The following TMEM42 variants were observed in gnomAD, a reference collection of about 807,000 sequenced individuals.
TMEM42 encodes transmembrane protein 42.
Under a neutral mutation model 14.0 loss-of-function variants are expected in TMEM42, and 8 were observed. The ratio of observed to expected loss-of-function variants is 0.57; its 90% confidence interval spans 0.34 to 1.03. The LOEUF (loss-of-function observed/expected upper bound fraction) is 1.03, where lower values mean the gene tolerates loss of function less well. Among genes scored for constraint, TMEM42 ranks in the 50% least tolerant of loss-of-function variants. The pLI is 0.03. For missense variants in TMEM42, 211 were observed against 219.8 expected, an observed-to-expected ratio of 0.96 and a Z score of 0.25; for synonymous variants, 115 against 94.3, an observed-to-expected ratio of 1.22 and a Z score of -1.27.
At chr3:44,864,421 C>T (rs909885860) in intron 2 of TMEM42, 78 bp downstream of exon 2, 1 of 1,575,784 alleles carries the variant, frequency 6.3e-7, no homozygotes, top group Non-Finnish European at 8.7e-7. Flanking sequence ...CCCCTCCTTT[C>T]CCAGACAGGA....
chr3:44,863,602 T>C (rs1699288007), intron 1 of TMEM42: 1 of 152,612 alleles, frequency 6.6e-6, no homozygotes, highest in African/African-American at 2.4e-5. Context: ...GGTTACTTAA[T>C]GCCCCTGGCT....
Position 44,865,205 on chromosome 3 carries a change from T to G in TMEM42, c.*25T>G, listed in dbSNP as rs529280161. ...GCACCACTTGGCTAGACGGACCAGC[T>G]GGAAAGATCATGATGGTGGCCCAGC... On this transcript the variant is annotated 3_prime_UTR_variant, in exon 3 of 3. Coordinates refer to ENST00000302392, the MANE Select transcript of TMEM42 (RefSeq NM_144638.3). 6.2e-7 allele frequency: 1 copy of G among 1,613,878 alleles called. No homozygotes were observed. Among genetic ancestry groups the G allele is most frequent in the African/African-American group, 1.3e-5 (1 of 75,010 alleles).
rs200008035 is a variant in TMEM42 at position 44,865,053 on chromosome 3, A to G, written c.353A>G (p.Tyr118Cys). The G allele has an allele frequency of 6.8e-6, 11 of 1,614,098 alleles. No individual in the cohort carries two copies. Among genetic ancestry groups the G allele is most frequent in the African/African-American group, 2.7e-5 (2 of 75,028 alleles). ...SNILSSAFLG[Y>C]VLYGECQEVL... ...TTTGTCTCGCAGGCCTTCCTGGGCT[A>G]TGTGCTGTATGGAGAGTGCCAGGAG... Residue 118 changes from tyrosine to cysteine, a missense_variant, in exon 3 of 3, where the codon TAT becomes TGT. By Grantham distance (194) the Tyr-to-Cys change is radical. Coordinates refer to ENST00000302392, the MANE Select transcript of TMEM42 (RefSeq NM_144638.3).
intron 1 of TMEM42, chr3:44,862,439 C>T (rs1172339067): frequency 1.3e-5 from 2 of 152,918 alleles, no homozygotes; most frequent in African/African-American, 2.4e-5. Context: ...AGTTCGCTCT[C>T]GGGGAAGAAC....
At chr3:44,862,685 ACTC>A (rs1314491228) in intron 1 of TMEM42, 1 of 150,878 alleles carries the variant, frequency 6.6e-6, no homozygotes, top group Non-Finnish European at 1.5e-5. Context: ...GACGCTGAGA[ACTC>A]CTAAACTTGC....
Position 44,865,529 on chromosome 3 carries a change from T to C in TMEM42, c.*349T>C. 3.9e-6 allele frequency: 1 copy of C among 256,556 alleles called. No homozygotes were observed. The highest frequency in any genetic ancestry group is 8.9e-5 in the South Asian group (1 of 11,246). The allele number at this position is 256,556 out of a possible 1,614,324, so 15.9% of individuals were successfully genotyped here. The stretch of plus-strand genomic sequence containing the variant: ...CCTGTTGCCAAACAAAAGCCAGTCA[T>C]GTAACTCTAGAAGCAGTGACTGGTG... On this transcript the variant is annotated 3_prime_UTR_variant, in exon 3 of 3. Coordinates refer to ENST00000302392, the MANE Select transcript of TMEM42 (RefSeq NM_144638.3).
At chr3:44,864,805 G>A (rs1220754826) in intron 2 of TMEM42, among the ~76,000 whole-genome samples, 1 of 152,152 alleles carries the variant, frequency 6.6e-6, no homozygotes, top group Non-Finnish European at 1.5e-5. Context: ...GGCATCTGCT[G>A]GGTCTTTCTT....
chr3:44,864,930 T>C, intron 2 of TMEM42, 110 bp from the exon 3 acceptor site: 1 of 1,442,782 alleles, frequency 6.9e-7, no homozygotes. Context: ...CCAAGGCTTC[T>C]GGCTCCAGAC....
intron 1 of TMEM42, 119 bp downstream of exon 1, chr3:44,862,235 G>C (rs933902231): frequency 3.5e-6 from 2 of 573,008 alleles, no homozygotes; most frequent in Non-Finnish European, 4.4e-6. Flanking sequence ...GGTGGGCGCA[G>C]GGCGCCGCCG....
At position 44,864,232 on chromosome 3, in the gene TMEM42, G is replaced by A. The variant is rs896147536; in HGVS notation, c.228G>A (p.Val76=). 3.1e-6 allele frequency: 5 copies of A among 1,614,226 alleles called. No homozygotes were observed. Among genetic ancestry groups the A allele is most frequent in the Non-Finnish European group, 3.4e-6 (4 of 1,180,036 alleles). Residue 76 remains valine, a synonymous_variant, in exon 2 of 3, where the codon GTG becomes GTA. Transcript: ENST00000302392. ...SMGLCVLGII[V]MASTNSLMWT... ...GTTTATGCGTCTTAGGCATTATTGT[G>A]ATGGCGAGCACCAATTCTCTGATGT...
chr3:44,862,867 G>C (rs1353381848), intron 1 of TMEM42: 1 of 151,986 alleles, frequency 6.6e-6, no homozygotes. Flanking sequence ...TCCAGTAGTA[G>C]CTGCCATGCT....
chr3:44,862,964 G>A (rs1222186776), intron 1 of TMEM42: 1 of 152,218 alleles, frequency 6.6e-6, no homozygotes, highest in Middle Eastern at 3.4e-3. Context: ...GAAGTTTGTT[G>A]TCAGGAACTA....
intron 1 of TMEM42, chr3:44,863,941 T>A (rs912832340): frequency 2.0e-6 from 1 of 503,730 alleles, no homozygotes; most frequent in Admixed American, 3.2e-5. Flanking sequence ...AGCATTTTGC[T>A]TCTTCCCAAG....
rs776471016 is a variant in TMEM42, at chr3:44,864,268, T to C, written c.264T>C (p.Phe88=). 5.0e-6 allele frequency: 8 copies of C among 1,614,094 alleles called. No homozygotes were observed. The South Asian group carries it at 8.8e-5, about 18-fold the overall frequency. ...ASTNSLMWTF[F]SRGLSFSMSS... is the part of the protein sequence containing the mutation. The stretch of plus-strand genomic sequence containing the variant: ...CCAATTCTCTGATGTGGACCTTCTT[T>C]AGCCGGGGCCTCAGTTTCTCCATGT... The change falls in exon 2 of 3, where the codon TTT becomes TTC. Residue 88 remains phenylalanine, a synonymous_variant. Coordinates refer to ENST00000302392, the MANE Select transcript of TMEM42 (RefSeq NM_144638.3).
In TMEM42 at chr3:44,865,381, T is replaced by A. The variant is rs1393710578; in HGVS notation, c.*201T>A. On this transcript the variant is annotated 3_prime_UTR_variant, in exon 3 of 3. Transcript: ENST00000302392. ...CAGTGTTCTACCGGAAGTGTTTTGA[T>A]CATCTGTACAGTGCTTTGGATTCTT... is the stretch of plus-strand genomic sequence containing the variant. 1 of 680,654 alleles carries A rather than the reference T, an allele frequency of 1.5e-6. No individual in the cohort carries two copies. Among genetic ancestry groups the A allele is most frequent in the Non-Finnish European group, 2.4e-6 (1 of 409,392 alleles). The allele number at this position is 680,654 out of a possible 1,614,324, so 42.2% of individuals were successfully genotyped here.
chr3:44,862,390 C>T (rs1266881107), intron 1 of TMEM42: 1 of 154,634 alleles, frequency 6.5e-6, no homozygotes, highest in Non-Finnish European at 1.4e-5. Context: ...GAGGCCTCTT[C>T]CCTTACCAGG....
chr3:44,862,074 G>A lies in TMEM42; in HGVS notation c.150G>A (p.Gly50=). ...ACTGTCTGTGCGCCGGCGCGTTCGGGGCCCTGGCCGCCGCCTCCGCCAAGC... is the reference window on the plus strand; with the variant it reads ...ACTGTCTGTGCGCCGGCGCGTTCGGAGCCCTGGCCGCCGCCTCCGCCAAGC... ...VFNCLCAGAF[G]ALAAASAKLA... The change falls in exon 1 of 3, where the codon GGG becomes GGA. Residue 50 remains glycine, a synonymous_variant. Transcript: ENST00000302392. 1 of 1,308,696 alleles carries A rather than the reference G, an allele frequency of 7.6e-7. No individual in the cohort carries two copies. Among genetic ancestry groups the A allele is most frequent in the Admixed American group, 3.4e-5 (1 of 29,076 alleles). 81.1% of individuals were successfully genotyped at this position (1,308,696 alleles called of 1,614,324 possible).
rs1251327732 is a variant in TMEM42 at position 44,861,933 on chromosome 3, G to A, written c.9G>A (p.Glu3=). MA[E]RPGPPGGAVS... is the part of the protein sequence containing the mutation. ...CGGTGTCAGCAGGCAACATGGCCGA[G>A]AGGCCGGGGCCTCCGGGCGGCGCCG... Residue 3 remains glutamate, a synonymous_variant, in exon 1 of 3, where the codon GAG becomes GAA. Coordinates refer to ENST00000302392, the MANE Select transcript of TMEM42 (RefSeq NM_144638.3). The A allele has an allele frequency of 2.1e-6, 3 of 1,441,508 alleles. No homozygotes were observed. In the Middle Eastern group the frequency reaches 5.6e-4, roughly 271 times the overall value. 89.3% of individuals were successfully genotyped at this position (1,441,508 alleles called of 1,614,324 possible). A position where few individuals can be genotyped will look rare whatever the true frequency, so the allele number is the denominator to read the frequency against.
intron 2 of TMEM42, 50 bp from the exon 3 acceptor site, chr3:44,864,990 T>A: frequency 6.2e-7 from 1 of 1,607,922 alleles, no homozygotes; most frequent in Non-Finnish European, 8.5e-7. Context: ...AGAGTGAGGT[T>A]GTGCCCACCT....
Sources: allele counts gnomAD v4.1 joint callset (sites outside exome capture counted in the v4.1 genomes callset), GRCh38; gene constraint gnomAD v4.1.1; transcripts MANE v1.5; gene names NCBI Gene and HGNC (gene_info 2026-07-23, HGNC 2026-07-21).